RARB: variants seen among roughly 807,000 people sequenced by gnomAD.
RARB encodes the protein retinoic acid receptor beta, also known as HBV-activated protein.
In RARB, 17 loss-of-function variants were observed where a neutral mutation model predicts 51.9. The ratio of observed to expected loss-of-function variants is 0.33; its 90% confidence interval spans 0.22 to 0.49. The LOEUF (loss-of-function observed/expected upper bound fraction) is 0.49. RARB is among the 20% of genes least tolerant of loss of function. The pLI is 0.99. For synonymous variants in RARB, 215 were observed against 195.4 expected, an observed-to-expected ratio of 1.10 and a Z score of -0.84; for missense variants, 369 against 550.8, an observed-to-expected ratio of 0.67 and a Z score of 3.30.
chr3:24,852,450 G>T (rs1181507536), intron 1 of RARB, among the ~76,000 whole-genome samples: 1 of 151,984 alleles, frequency 6.6e-6, no homozygotes, highest in African/African-American at 2.4e-5. Context: ...AAAACAGTTT[G>T]GCATTTAAAA....
At chr3:25,178,659 A>G (rs1700803722) in intron 5 of RARB, among the ~76,000 whole-genome samples, 1 of 152,162 alleles carries the variant, frequency 6.6e-6, no homozygotes, top group South Asian at 2.1e-4. Context: ...TGGAGATGAT[A>G]GATATTTAAA....
intron 2 of RARB, among the ~76,000 whole-genome samples, chr3:25,003,481 T>C (rs926712542): frequency 4.6e-5 from 7 of 152,160 alleles, no homozygotes; most frequent in African/African-American, 1.7e-4. Context: ...TTAGTACTGA[T>C]TTACAGTTTT....
At chr3:25,496,514 G>A (rs551816090) in intron 2 of RARB, among the ~76,000 whole-genome samples, 8 of 152,284 alleles carry the variant, frequency 5.3e-5, no homozygotes, top group African/African-American at 1.9e-4. Context: ...ACACTTGATG[G>A]CACTGAGACA....
chr3:25,351,545 A>G (rs1268445674), intron 5 of RARB, among the ~76,000 whole-genome samples: 1 of 152,130 alleles, frequency 6.6e-6, no homozygotes, highest in Non-Finnish European at 1.5e-5. Context: ...TGGAGTCTTT[A>G]TCTGAAACCC....
chr3:25,193,691 T>C (rs1239115561), intron 5 of RARB, among the ~76,000 whole-genome samples: 1 of 152,092 alleles, frequency 6.6e-6, no homozygotes, highest in Non-Finnish European at 1.5e-5. Flanking sequence ...TAGCGACATA[T>C]TTCAACAATT....
rs538803876 is a variant in RARB at position 25,004,409 on chromosome 3, G to A, written c.-379-55716G>A. 3.3e-5 allele frequency among the ~76,000 whole-genome samples: 5 copies of A among 152,248 alleles called. No homozygotes were observed. The South Asian group carries it at 1.0e-3, about 32-fold the overall frequency. On this transcript the variant is annotated intron_variant, in intron 2 of 11. Transcript: ENST00000383772. ...GGCTCACTATTCTGGAGGCTGAAAA[G>A]TCCAAGATCAAGAGACCAGCATCCA...
intron 1 of RARB, among the ~76,000 whole-genome samples, chr3:25,443,132 G>T (rs1472920320): frequency 6.6e-6 from 1 of 152,120 alleles, no homozygotes; most frequent in Non-Finnish European, 1.5e-5. Context: ...GTAGTTCAGT[G>T]AAAACGAAAT....
At chr3:25,109,302 C>T (rs1040416735) in intron 3 of RARB, among the ~76,000 whole-genome samples, 6 of 152,040 alleles carry the variant, frequency 3.9e-5, no homozygotes, top group African/African-American at 1.4e-4. Context: ...TTTTCAACAC[C>T]TGATGAGTGA....
chr3:24,871,524 TTGAA>T (rs1702948392), intron 2 of RARB, among the ~76,000 whole-genome samples: 1 of 152,134 alleles, frequency 6.6e-6, no homozygotes, highest in Non-Finnish European at 1.5e-5. Flanking sequence ...AATCTATAGA[TTGAA>T]TGTCCCAGGG....
At chr3:24,915,194 T>G (rs1201316526) in intron 2 of RARB, among the ~76,000 whole-genome samples, 1 of 152,210 alleles carries the variant, frequency 6.6e-6, no homozygotes, top group African/African-American at 2.4e-5. Context: ...AGAGAGGCTT[T>G]CTTTTAAAAT....
chr3:25,520,266 C>T (rs1698347687), intron 3 of RARB, among the ~76,000 whole-genome samples: 1 of 152,116 alleles, frequency 6.6e-6, no homozygotes, highest in African/African-American at 2.4e-5. Flanking sequence ...AGTTCCACGC[C>T]AAATATATGT....
In RARB at chr3:25,121,283, T is replaced by C. The variant is rs540048389; in HGVS notation, c.-327-10878T>C. Among the ~76,000 whole-genome samples, 6 of 152,180 alleles carry C rather than the reference T, an allele frequency of 3.9e-5. No individual in the cohort carries two copies. The East Asian group carries it at 9.6e-4, about 24-fold the overall frequency. On this transcript the variant is annotated intron_variant, in intron 3 of 11. Transcript: ENST00000383772. Reference sequence around the variant, plus strand: ...ATTTAAGCTTATAGAAGACAGGAGATATAAGAGGGCTTAAAACTCCCAAGA... The same window carrying C: ...ATTTAAGCTTATAGAAGACAGGAGACATAAGAGGGCTTAAAACTCCCAAGA...
chr3:25,058,689 A>G (rs2125302947), intron 2 of RARB, among the ~76,000 whole-genome samples: 1 of 151,898 alleles, frequency 6.6e-6, no homozygotes, highest in Admixed American at 6.6e-5. Flanking sequence ...GTTCACTATT[A>G]CTAATTTAAT....
intron 5 of RARB, among the ~76,000 whole-genome samples, chr3:25,322,432 A>C (rs1704598566): frequency 6.6e-6 from 1 of 152,200 alleles, no homozygotes; most frequent in African/African-American, 2.4e-5. Flanking sequence ...CTTGACCACA[A>C]AACAAAAGTA....
chr3:25,517,709 A>G (rs1219129112), intron 3 of RARB, among the ~76,000 whole-genome samples: 1 of 152,252 alleles, frequency 6.6e-6, no homozygotes. Flanking sequence ...TCATAGAAGC[A>G]TTATTCATAA....
chr3:25,428,579 T>C lies in RARB; in HGVS notation c.-153T>C. The C allele has an allele frequency of 7.3e-7, 1 of 1,372,018 alleles. No homozygotes were observed. The highest frequency in any genetic ancestry group is 9.5e-7 in the Non-Finnish European group (1 of 1,057,014). The allele number at this position is 1,372,018 out of a possible 1,614,324, so 85.0% of individuals were successfully genotyped here. A position where few individuals can be genotyped will look rare whatever the true frequency, so the allele number is the denominator to read the frequency against. On this transcript the variant is annotated 5_prime_UTR_variant, in exon 1 of 8. Transcript: ENST00000330688. ...TACAGGCTTTTAGCTGGCTTGTCTG[T>C]CATAATTCATGATTCGGGGCTGGGA... is the stretch of plus-strand genomic sequence containing the variant.
intron 3 of RARB, among the ~76,000 whole-genome samples, chr3:25,131,173 G>T (rs1279287406): frequency 6.6e-6 from 1 of 151,886 alleles, no homozygotes; most frequent in Non-Finnish European, 1.5e-5. Flanking sequence ...AAACCCAAAA[G>T]TTATGCAGAG....
intron 5 of RARB, among the ~76,000 whole-genome samples, chr3:25,417,005 G>A (rs1434402432): frequency 6.6e-6 from 1 of 152,122 alleles, no homozygotes; most frequent in Non-Finnish European, 1.5e-5. Context: ...AGATGCATCA[G>A]TAATCAACTT....
intron 5 of RARB, among the ~76,000 whole-genome samples, chr3:25,286,464 C>T (rs1168496185): frequency 6.6e-6 from 1 of 152,168 alleles, no homozygotes; most frequent in Non-Finnish European, 1.5e-5. Flanking sequence ...CTCTAGCCTA[C>T]TGAGAAGCCC....
Sources: allele counts gnomAD v4.1 joint callset (sites outside exome capture counted in the v4.1 genomes callset), GRCh38; gene constraint gnomAD v4.1.1; transcripts MANE v1.5; gene names NCBI Gene and HGNC (gene_info 2026-07-23, HGNC 2026-07-21).